Variants in GABRB3 observed in about 807,000 individuals in gnomAD.
The protein encoded by GABRB3 is gamma-aminobutyric acid receptor subunit beta-3.
In GABRB3, 14 loss-of-function variants were observed where a neutral mutation model predicts 52.1. The ratio of observed to expected loss-of-function variants is 0.27; its 90% CI spans 0.18 to 0.42. The LOEUF (loss-of-function observed/expected upper bound fraction) is 0.42, where lower values mean the gene tolerates loss of function less well. GABRB3 is among the 10% of genes least tolerant of loss of function. The pLI, the probability that GABRB3 is intolerant of heterozygous loss-of-function variation, is 1.00. For synonymous variants in GABRB3, 260 were observed against 232.3 expected (o/e 1.12, Z -1.08); for missense variants, 307 against 609.1 (o/e 0.50, Z 5.22).
At chr15:26,713,083 C>T (rs1889353874) in intron 3 of GABRB3, among the ~76,000 whole-genome samples, 1 of 152,146 alleles carries the variant, frequency 6.6e-6, no homozygotes, top group Admixed American at 6.5e-5. Flanking sequence ...GTGGGAGAAC[C>T]AGGCTCTGCT....
At chr15:26,671,965 G>GAT (rs200101262) in intron 3 of GABRB3, among the ~76,000 whole-genome samples, 2,009 of 152,196 alleles carry the variant, frequency 0.013, 45 homozygotes, top group African/African-American at 0.045. Context: ...AATTCACTTT[G>GAT]ATATATATCA....
chr15:26,599,538 C>T (rs1424293199), intron 4 of GABRB3, among the ~76,000 whole-genome samples: 1 of 152,220 alleles, frequency 6.6e-6, no homozygotes, highest in South Asian at 2.1e-4. Context: ...ATAGCAGAGT[C>T]CAGCCAGTAG....
chr15:26,754,081 G>A (rs773554851), intron 3 of GABRB3, among the ~76,000 whole-genome samples: 14 of 152,134 alleles, frequency 9.2e-5, no homozygotes, highest in Non-Finnish European at 1.9e-4. Context: ...ACTTTTGGAA[G>A]GCTGGAAAAA....
At chr15:26,606,044 A>C (rs2140508213) in intron 4 of GABRB3, among the ~76,000 whole-genome samples, 1 of 151,672 alleles carries the variant, frequency 6.6e-6, no homozygotes, top group Admixed American at 6.6e-5. Context: ...AGGTCTCTTG[A>C]GAACTCACTA....
At chr15:26,773,449 G>C (rs1381722944), upstream of GABRB3, among the ~76,000 whole-genome samples, 2 of 151,360 alleles carry the variant, frequency 1.3e-5, no homozygotes, top group South Asian at 2.1e-4. Flanking sequence ...GGGGACTGTC[G>C]GCAGCCTCGG....
intron 4 of GABRB3, among the ~76,000 whole-genome samples, chr15:26,605,787 C>CA (rs2140507847): frequency 6.6e-6 from 1 of 152,078 alleles, no homozygotes; most frequent in South Asian, 2.1e-4. Context: ...TACAGGGAGA[C>CA]AGAGAACAGG....
At chr15:26,612,255 A>C (rs1385401475) in intron 4 of GABRB3, 1 of 152,216 alleles carries the variant, frequency 6.6e-6, no homozygotes, top group Non-Finnish European at 1.5e-5. Context: ...AAATACAATA[A>C]AACAGAAATA....
chr15:26,604,592 C>T (rs1891709950), intron 4 of GABRB3, among the ~76,000 whole-genome samples: 1 of 152,004 alleles, frequency 6.6e-6, no homozygotes, highest in Non-Finnish European at 1.5e-5. Context: ...GAATAGAATA[C>T]AGAACCCAGA....
rs926231041 is a variant in GABRB3, at chr15:26,772,871, C to T, written c.80+12G>A. 3.4e-6 allele frequency: 5 copies of T among 1,463,824 alleles called. No individual in the cohort carries two copies. The African/African-American group carries it at 7.3e-5, about 22-fold the overall frequency. 90.7% of individuals were successfully genotyped at this position (1,463,824 alleles called of 1,614,324 possible). On this transcript the variant is annotated intron_variant, in intron 1 of 8. Coordinates refer to ENST00000311550, the MANE Select transcript of GABRB3 (RefSeq NM_000814.6). ...CCCTGCCCGCCGCCCGCCGGCCCAC[C>T]CGCGACCCTACCTCTGGGCGCAGCA...
At chr15:26,685,850 G>T (rs1888387806) in intron 3 of GABRB3, among the ~76,000 whole-genome samples, 1 of 149,910 alleles carries the variant, frequency 6.7e-6, no homozygotes, top group African/African-American at 2.4e-5. Context: ...TGTCACCCAG[G>T]CTGGAGTACA....
chr15:26,621,604 C>G lies in GABRB3; in HGVS notation c.241-70G>C. On this transcript the variant is annotated intron_variant, in intron 3 of 8. Coordinates refer to ENST00000311550, the MANE Select transcript of GABRB3 (RefSeq NM_000814.6). This position sits in a 1 kb window ranked among gnomAD's most constrained non-coding sequence, Gnocchi z 4.1. ...CAGGTGTATTTCCTCCACGACCAGCCAAATTCAGGTTGCAATCTAGGCTCT... is the reference window on the plus strand; with the variant it reads ...CAGGTGTATTTCCTCCACGACCAGCGAAATTCAGGTTGCAATCTAGGCTCT... The G allele has an allele frequency of 7.9e-7, 1 of 1,259,232 alleles. No homozygotes were observed. Among genetic ancestry groups the G allele is most frequent in the South Asian group, 1.2e-5 (1 of 81,752 alleles). 78.0% of individuals were successfully genotyped at this position (1,259,232 alleles called of 1,614,324 possible). A position where few individuals can be genotyped will look rare whatever the true frequency, so the allele number is the denominator to read the frequency against.
chr15:26,725,474 C>T (rs974149865), intron 3 of GABRB3, among the ~76,000 whole-genome samples: 8 of 152,238 alleles, frequency 5.3e-5, no homozygotes, highest in Admixed American at 1.3e-4. Context: ...TGGACAAAAG[C>T]GCCAATGTTA....
At chr15:26,640,287 G>A (rs1462861332) in intron 3 of GABRB3, among the ~76,000 whole-genome samples, 1 of 152,186 alleles carries the variant, frequency 6.6e-6, no homozygotes, top group Non-Finnish European at 1.5e-5. Flanking sequence ...GGAGGCCGAG[G>A]CAGGCAGATC....
At chr15:26,708,630 G>A (rs1419397449) in intron 3 of GABRB3, among the ~76,000 whole-genome samples, 1 of 152,218 alleles carries the variant, frequency 6.6e-6, no homozygotes, top group East Asian at 1.9e-4. Flanking sequence ...TCATCGCAGG[G>A]AAGAGAAGGT....
At chr15:26,565,553 T>C (rs1195039479) in intron 7 of GABRB3, among the ~76,000 whole-genome samples, 2 of 152,168 alleles carry the variant, frequency 1.3e-5, no homozygotes, top group Admixed American at 6.5e-5. Flanking sequence ...GAGGCACAGT[T>C]TGTTTATATT....
chr15:26,561,401 C>CAGGG (rs1400473137), intron 7 of GABRB3, among the ~76,000 whole-genome samples: 2 of 152,190 alleles, frequency 1.3e-5, no homozygotes, highest in Non-Finnish European at 2.9e-5. Flanking sequence ...TGAAGCCGTG[C>CAGGG]AGGGCATCTC....
intron 3 of GABRB3, among the ~76,000 whole-genome samples, chr15:26,650,480 G>C (rs752603288): frequency 6.6e-5 from 10 of 152,048 alleles, no homozygotes; most frequent in Non-Finnish European, 1.0e-4. Context: ...GACCTCAGAA[G>C]TAAATGGAAA....
At chr15:26,760,675 G>C (rs1004058136) in intron 3 of GABRB3, among the ~76,000 whole-genome samples, 1 of 150,810 alleles carries the variant, frequency 6.6e-6, no homozygotes, top group Non-Finnish European at 1.5e-5. Flanking sequence ...AAGATAAATG[G>C]ATAATTGATT....
At chr15:26,558,209 CT>C (rs1396005650) in intron 8 of GABRB3, among the ~76,000 whole-genome samples, 1 of 152,172 alleles carries the variant, frequency 6.6e-6, no homozygotes, top group African/African-American at 2.4e-5. Flanking sequence ...ATATTTTCCA[CT>C]AAGAAATTCA....
Sources: allele counts gnomAD v4.1 joint callset (sites outside exome capture counted in the v4.1 genomes callset), GRCh38; gene constraint gnomAD v4.1.1; non-coding constraint Gnocchi (gnomAD v3.1); transcripts MANE v1.5; gene names NCBI Gene and HGNC (gene_info 2026-07-23, HGNC 2026-07-21).